Variants in STAU2 observed in about 807,000 individuals in gnomAD.
STAU2 encodes the protein double-stranded RNA-binding protein Staufen homolog 2.
In STAU2, 20 loss-of-function variants were observed where a neutral mutation model predicts 65.9. That is an observed-to-expected ratio of 0.30 (90% CI 0.21 to 0.44). STAU2 has a LOEUF of 0.44. Among genes scored for constraint, STAU2 ranks in the 20% least tolerant of loss-of-function variants. STAU2 has a pLI of 1.00. For synonymous variants in STAU2, 232 were observed against 233.9 expected, an observed-to-expected ratio of 0.99 and a Z score of 0.07; for missense variants, 558 against 683.9, an observed-to-expected ratio of 0.82 and a Z score of 2.05.
chr8:73,495,087 T>G (rs946134931), intron 13 of STAU2, among the ~76,000 whole-genome samples: 3 of 151,302 alleles, frequency 2.0e-5, no homozygotes, highest in Non-Finnish European at 3.0e-5. Context: ...AAGATGGGAG[T>G]TTTTAATTCT....
At chr8:73,699,880 C>T (rs1054569833) in intron 4 of STAU2, among the ~76,000 whole-genome samples, 1 of 94,170 alleles carries the variant, frequency 1.1e-5, no homozygotes, top group Admixed American at 9.4e-5. Flanking sequence ...AAAAAAAAAA[C>T]CTACAGACCA....
chr8:73,525,797 T>C (rs1805404709), intron 13 of STAU2, among the ~76,000 whole-genome samples: 1 of 152,180 alleles, frequency 6.6e-6, no homozygotes, highest in Non-Finnish European at 1.5e-5. Flanking sequence ...CATGAGTGGA[T>C]ACATAGATAG....
At chr8:73,746,762 G>A in intron 1 of STAU2, 21 bp downstream of exon 1, 1 of 1,216,516 alleles carries the variant, frequency 8.2e-7, no homozygotes, top group Non-Finnish European at 1.0e-6. Flanking sequence ...TCTCCCGGAC[G>A]CCCCCGATGA....
At chr8:73,478,231 G>A (rs998799928) in intron 13 of STAU2, among the ~76,000 whole-genome samples, 12 of 146,662 alleles carry the variant, frequency 8.2e-5, no homozygotes, top group Non-Finnish European at 1.6e-4. Flanking sequence ...GGCTTCCCTG[G>A]GCCACATTGG....
intron 12 of STAU2, among the ~76,000 whole-genome samples, chr8:73,565,930 T>C (rs891004487): frequency 6.6e-5 from 10 of 152,240 alleles, no homozygotes; most frequent in Non-Finnish European, 1.3e-4. Context: ...ATCAATGATG[T>C]TAAGTAAGAA....
chr8:73,422,321 G>C (rs1288730190), intron 14 of STAU2, among the ~76,000 whole-genome samples: 1 of 152,164 alleles, frequency 6.6e-6, no homozygotes, highest in Non-Finnish European at 1.5e-5. Context: ...GAAAAACAAT[G>C]TTTTGTAAGT....
At chr8:73,431,797 A>G (rs1047933232) in intron 13 of STAU2, among the ~76,000 whole-genome samples, 3 of 152,208 alleles carry the variant, frequency 2.0e-5, no homozygotes, top group African/African-American at 7.2e-5. Context: ...GAGTCCAGTC[A>G]TGTCTGTAAT....
chr8:73,625,273 C>T (rs910217196), intron 6 of STAU2, among the ~76,000 whole-genome samples: 3 of 152,136 alleles, frequency 2.0e-5, no homozygotes, highest in African/African-American at 7.2e-5. Context: ...TAAATGTTTA[C>T]AGCAGCATTA....
At chr8:73,424,199 G>GTTTT (rs1434951406) in intron 13 of STAU2, among the ~76,000 whole-genome samples, 1 of 115,406 alleles carries the variant, frequency 8.7e-6, no homozygotes, top group African/African-American at 3.9e-5. Context: ...GCTCCTCTAT[G>GTTTT]TCTTTTTTTT....
At chr8:73,687,446 AAATATAT>A (rs1819002484) in intron 5 of STAU2, among the ~76,000 whole-genome samples, 1 of 129,912 alleles carries the variant, frequency 7.7e-6, no homozygotes, top group African/African-American at 3.3e-5. Flanking sequence ...TATAATATAT[AAATATAT>A]AATATATAAA....
chr8:73,546,148 G>GTTTTTTTT (rs1563412799), intron 13 of STAU2, among the ~76,000 whole-genome samples: 5 of 116,472 alleles, frequency 4.3e-5, no homozygotes, highest in Non-Finnish European at 6.5e-5. Flanking sequence ...TTTTTTTTTG[G>GTTTTTTTT]TAGAGACAGA....
Position 73,486,611 on chromosome 8 carries a change from T to TTATATATATATA in STAU2, c.1531-63921_1531-63910dup, listed in dbSNP as rs138537650. On this transcript the variant is annotated intron_variant, in intron 13 of 14. Coordinates refer to ENST00000524300, the MANE Select transcript of STAU2 (RefSeq NM_001164380.2). ...TTCTCTTTTTCCTGAAAAATATCCATTATATATATATATATACACATTTAT... is the reference window on the plus strand; with the variant it reads ...TTCTCTTTTTCCTGAAAAATATCCATTATATATATATATATATATATATATATACACATTTAT... Among the ~76,000 whole-genome samples, 69 of 143,642 alleles carry TTATATATATATA rather than the reference T, an allele frequency of 4.8e-4. 1 individual carries two copies. The highest frequency in any genetic ancestry group is 1.6e-3 in the African/African-American group (63 of 39,064). The allele number at this position is 143,642 out of a possible 152,430, so 94.2% of individuals were successfully genotyped here. A position where few individuals can be genotyped will look rare whatever the true frequency, so the allele number is the denominator to read the frequency against.
intron 10 of STAU2, 39 bp downstream of exon 10, chr8:73,603,687 T>G (rs1811804275): frequency 6.3e-7 from 1 of 1,596,100 alleles, no homozygotes; most frequent in Non-Finnish European, 8.5e-7. Flanking sequence ...TCCTGGGGAT[T>G]TCTAAATCTT....
intron 10 of STAU2, among the ~76,000 whole-genome samples, chr8:73,601,253 A>T (rs1238031791): frequency 6.6e-6 from 1 of 152,220 alleles, no homozygotes; most frequent in Non-Finnish European, 1.5e-5. Context: ...TTATTTTTTA[A>T]CAACCTGGTG....
intron 5 of STAU2, among the ~76,000 whole-genome samples, chr8:73,680,136 G>T (rs1032803446): frequency 2.4e-5 from 3 of 126,488 alleles, no homozygotes; most frequent in Admixed American, 1.7e-4. Context: ...GAATCTGGGT[G>T]GGGGGTGGGG....
intron 6 of STAU2, among the ~76,000 whole-genome samples, chr8:73,651,909 C>T (rs1026285405): frequency 3.3e-5 from 5 of 152,214 alleles, no homozygotes; most frequent in East Asian, 1.9e-4. Context: ...CCCTGACCCA[C>T]GCAAAGGTTC....
At chr8:73,652,221 A>T (rs1815943739) in intron 6 of STAU2, 1 of 152,198 alleles carries the variant, frequency 6.6e-6, no homozygotes, top group South Asian at 2.1e-4. Context: ...ACTCAGGCAG[A>T]TAATTTCATA....
At chr8:73,527,664 C>T in intron 13 of STAU2, 1 of 1,520,354 alleles carries the variant, frequency 6.6e-7, no homozygotes, top group African/African-American at 1.4e-5. Context: ...GGCCATAACA[C>T]AGCAAAATGG....
chr8:73,500,722 T>G (rs1470353435), intron 13 of STAU2, among the ~76,000 whole-genome samples: 1 of 146,426 alleles, frequency 6.8e-6, no homozygotes, highest in African/African-American at 2.8e-5. Context: ...ACTCTGTTCA[T>G]ATGTTTAGAA....
Sources: allele counts gnomAD v4.1 joint callset (sites outside exome capture counted in the v4.1 genomes callset), GRCh38; gene constraint gnomAD v4.1.1; transcripts MANE v1.5; gene names NCBI Gene and HGNC (gene_info 2026-07-23, HGNC 2026-07-21).